SPRED2: variants seen among roughly 807,000 people sequenced by gnomAD.
SPRED2 encodes sprouty related EVH1 domain containing 2.
SPRED2 carries 47 observed loss-of-function variants against 43.0 expected under a neutral mutation model. The ratio of observed to expected loss-of-function variants is 1.09; its 90% confidence interval spans 0.87 to 1.40. The LOEUF (loss-of-function observed/expected upper bound fraction) is 1.40, where lower values mean the gene tolerates loss of function less well. Among genes scored for constraint, SPRED2 ranks in the 40% most tolerant of loss-of-function variants. The pLI, the probability that SPRED2 is intolerant of heterozygous loss-of-function variation, is 0.00. For synonymous variants in SPRED2, 225 were observed against 225.7 expected, an observed-to-expected ratio of 1.00 and a Z score of 0.03; for missense variants, 561 against 586.4, an observed-to-expected ratio of 0.96 and a Z score of 0.45.
chr2:65,324,354 A>C (rs929813634), intron 4 of SPRED2, among the ~76,000 whole-genome samples: 2 of 152,194 alleles, frequency 1.3e-5, no homozygotes, highest in African/African-American at 4.8e-5. Flanking sequence ...ACAATCAATC[A>C]AAATCTGAGT....
chr2:65,372,760 A>G (rs978062761), intron 1 of SPRED2, among the ~76,000 whole-genome samples: 11 of 152,212 alleles, frequency 7.2e-5, no homozygotes, highest in Admixed American at 1.3e-4. Flanking sequence ...TGAATGACCT[A>G]TTCCTTAAGG....
chr2:65,369,050 G>T (rs1275729308), intron 1 of SPRED2, among the ~76,000 whole-genome samples: 1 of 151,746 alleles, frequency 6.6e-6, no homozygotes, highest in Non-Finnish European at 1.5e-5. Flanking sequence ...ACTCCAGCCT[G>T]GGTGATGGAG....
At chr2:65,405,789 A>T (rs187360605) in intron 1 of SPRED2, among the ~76,000 whole-genome samples, 3 of 152,300 alleles carry the variant, frequency 2.0e-5, no homozygotes, top group Admixed American at 6.5e-5. Flanking sequence ...AAGCAGCTAC[A>T]TCTGAGCTCC....
At chr2:65,321,875 C>T (rs551400556) in intron 4 of SPRED2, among the ~76,000 whole-genome samples, 10 of 152,208 alleles carry the variant, frequency 6.6e-5, no homozygotes, top group Admixed American at 2.6e-4. Flanking sequence ...TGGGTTCAAG[C>T]GATTCTCATG....
At chr2:65,416,440 T>C (rs370208751) in intron 1 of SPRED2, among the ~76,000 whole-genome samples, 1 of 152,110 alleles carries the variant, frequency 6.6e-6, no homozygotes, top group Non-Finnish European at 1.5e-5. Context: ...TGCTCCATCC[T>C]GAACAAGAGA....
intron 3 of SPRED2, chr2:65,332,252 T>C (rs1673835112): frequency 2.3e-6 from 1 of 432,360 alleles, no homozygotes; most frequent in African/African-American, 2.0e-5. Context: ...CTAAATTAAC[T>C]TTGCCTGCTG....
At chr2:65,366,736 T>C (rs1674991430) in intron 1 of SPRED2, 2 of 1,490,122 alleles carry the variant, frequency 1.3e-6, no homozygotes, top group Admixed American at 2.5e-5. Context: ...TTCCCCCATA[T>C]ATGATTCAGT....
intron 1 of SPRED2, among the ~76,000 whole-genome samples, chr2:65,358,123 T>A (rs1267288837): frequency 2.6e-5 from 4 of 152,144 alleles, no homozygotes; most frequent in Non-Finnish European, 5.9e-5. Context: ...GAGAAAAAAC[T>A]TGAAACCACA....
chr2:65,319,251 C>T (rs1037391744), intron 4 of SPRED2, among the ~76,000 whole-genome samples: 5 of 152,172 alleles, frequency 3.3e-5, no homozygotes, highest in Admixed American at 6.5e-5. Context: ...TGCTTCTGAT[C>T]CCCCAAGCCA....
intron 5 of SPRED2, among the ~76,000 whole-genome samples, chr2:65,315,745 A>G (rs1222015544): frequency 1.3e-5 from 2 of 152,190 alleles, no homozygotes; most frequent in African/African-American, 2.4e-5. Flanking sequence ...TGCAAGCTCC[A>G]CCTCCTGGGT....
intron 1 of SPRED2, among the ~76,000 whole-genome samples, chr2:65,412,385 C>A (rs2103767338): frequency 6.6e-6 from 1 of 152,188 alleles, no homozygotes. Flanking sequence ...TGAAACCATC[C>A]CTACAGGGCT....
intron 1 of SPRED2, among the ~76,000 whole-genome samples, chr2:65,361,771 C>T (rs940585137): frequency 9.9e-5 from 15 of 152,188 alleles, no homozygotes; most frequent in East Asian, 3.8e-4. Flanking sequence ...AGTTCTCTGG[C>T]GACGTGATGA....
intron 1 of SPRED2, among the ~76,000 whole-genome samples, chr2:65,380,850 C>A (rs1394945652): frequency 4.1e-5 from 1 of 24,106 alleles, no homozygotes; most frequent in African/African-American, 6.8e-5. Context: ...ACAAAAAATT[C>A]AAGCCACGAT....
At chr2:65,409,810 C>T (rs113943136) in intron 1 of SPRED2, among the ~76,000 whole-genome samples, 9 of 148,840 alleles carry the variant, frequency 6.0e-5, no homozygotes, top group Admixed American at 2.7e-4. Flanking sequence ...CCAAGGCGGG[C>T]GGATCACGAG....
At chr2:65,367,151 T>A (rs1453146969) in intron 1 of SPRED2, among the ~76,000 whole-genome samples, 1 of 152,222 alleles carries the variant, frequency 6.6e-6, no homozygotes, top group Non-Finnish European at 1.5e-5. Flanking sequence ...GCTGTGAGGT[T>A]ACCCAGCTGC....
rs535407905 is a variant in SPRED2 at position 65,313,859 on chromosome 2, C to T, written c.899G>A (p.Arg300Gln). The T allele has an allele frequency of 3.0e-5, 49 of 1,610,974 alleles. No individual in the cohort carries two copies. In the South Asian group the frequency reaches 4.7e-4, roughly 16 times the overall value. ...TQPSRGKSRRRKEDGERSRCV... is the reference protein window; with the variant it reads ...TQPSRGKSRRQKEDGERSRCV... ...CCGCGAGCGCTCTCCGTCCTCCTTC[C>T]GCCGCCGCGACTTGCCCCGGGAGGG... Residue 300 changes from arginine to glutamine, a missense_variant, in exon 6 of 6, where the codon CGG becomes CAG. This residue lies in a region of SPRED2 where 164 missense variants were observed against 164.1 expected (regional missense o/e 1.00). Transcript: ENST00000356388.
intron 2 of SPRED2, among the ~76,000 whole-genome samples, chr2:65,339,334 T>A (rs1277233555): frequency 1.3e-5 from 2 of 151,812 alleles, no homozygotes; most frequent in African/African-American, 4.8e-5. Context: ...GCCGTGTCTG[T>A]GTAGAAAGAA....
chr2:65,307,950 G>GC (rs1334957223), downstream of SPRED2, among the ~76,000 whole-genome samples: 228 of 96,046 alleles, frequency 2.4e-3, no homozygotes, highest in African/African-American at 7.0e-3. Flanking sequence ...CACACCCCCC[G>GC]CCCCCCCCAT....
At chr2:65,429,628 G>A (rs951185799) in intron 1 of SPRED2, among the ~76,000 whole-genome samples, 2 of 152,174 alleles carry the variant, frequency 1.3e-5, no homozygotes, top group South Asian at 2.1e-4. Context: ...ACACAGGTAC[G>A]TTGAACAAAA....
Sources: gnomAD v4.1 joint callset for allele counts (sites outside exome capture counted in the v4.1 genomes callset) on GRCh38, gnomAD v4.1.1 for gene constraint, gnomAD v4.1.1 regional missense constraint, MANE v1.5 for transcripts, NCBI Gene and HGNC (gene_info 2026-07-23, HGNC 2026-07-21) for gene names.